LHFPL3: variants seen among roughly 807,000 people sequenced by gnomAD.
LHFPL3 encodes the protein LHFPL tetraspan subfamily member 3.
Under a neutral mutation model 19.3 loss-of-function variants are expected in LHFPL3, and 5 were observed. That is an observed-to-expected ratio of 0.26 (90% CI 0.14 to 0.54). LHFPL3 has a LOEUF of 0.54. Ranked by LOEUF, LHFPL3 falls within the 20% of genes least tolerant of loss-of-function variation. LHFPL3 has a pLI of 0.94. For missense variants in LHFPL3, 249 were observed against 307.4 expected, an observed-to-expected ratio of 0.81 and a Z score of 1.42; for synonymous variants, 133 against 126.2, an observed-to-expected ratio of 1.05 and a Z score of -0.36.
chr7:104,866,315 T>A (rs896290294), intron 2 of LHFPL3, among the ~76,000 whole-genome samples: 1 of 152,186 alleles, frequency 6.6e-6, no homozygotes, highest in African/African-American at 2.4e-5. Flanking sequence ...ATCAGTGTGC[T>A]GTATTCAAGA....
At chr7:104,722,626 G>A (rs1208410096) in intron 1 of LHFPL3, among the ~76,000 whole-genome samples, 1 of 152,174 alleles carries the variant, frequency 6.6e-6, no homozygotes, top group Non-Finnish European at 1.5e-5. Flanking sequence ...TATAGCTCAA[G>A]TTTGTCAGCC....
At chr7:104,464,886 T>C (rs900924337) in intron 1 of LHFPL3, among the ~76,000 whole-genome samples, 17 of 152,378 alleles carry the variant, frequency 1.1e-4, no homozygotes, top group African/African-American at 4.1e-4. Context: ...CCATTGCTTA[T>C]GCAAGTTTCT....
chr7:104,567,167 G>T (rs1338431857), intron 1 of LHFPL3, among the ~76,000 whole-genome samples: 1 of 152,192 alleles, frequency 6.6e-6, no homozygotes, highest in East Asian at 1.9e-4. Context: ...TTTCCAATGT[G>T]ATTCCTAGTG....
chr7:104,902,875 A>G (rs769680756), intron 2 of LHFPL3, among the ~76,000 whole-genome samples: 1 of 152,202 alleles, frequency 6.6e-6, no homozygotes, highest in Non-Finnish European at 1.5e-5. Context: ...ACCAGAGCAG[A>G]TTCAAGAAGG....
chr7:104,765,872 CA>C (rs539494226), intron 2 of LHFPL3, among the ~76,000 whole-genome samples: 102 of 152,342 alleles, frequency 6.7e-4, no homozygotes, highest in African/African-American at 2.4e-3. Flanking sequence ...AGGCTCCACA[CA>C]CTTGTGCAGA....
intron 2 of LHFPL3, among the ~76,000 whole-genome samples, chr7:104,893,163 G>A (rs775600163): frequency 6.6e-6 from 1 of 151,594 alleles, no homozygotes; most frequent in Non-Finnish European, 1.5e-5. Context: ...GCAATAAGCT[G>A]TGATCATACC....
chr7:104,558,854 G>A (rs1351434612), intron 1 of LHFPL3, among the ~76,000 whole-genome samples: 1 of 144,418 alleles, frequency 6.9e-6, no homozygotes, highest in African/African-American at 2.8e-5. Flanking sequence ...ATTGATTTTT[G>A]TGTAAGGTGT....
chr7:104,867,367 T>G (rs1278599349), intron 2 of LHFPL3, among the ~76,000 whole-genome samples: 1 of 151,800 alleles, frequency 6.6e-6, no homozygotes, highest in Non-Finnish European at 1.5e-5. Flanking sequence ...AATAATCAAA[T>G]AGATGCAATA....
At chr7:104,502,830 C>T (rs1016523194) in intron 1 of LHFPL3, among the ~76,000 whole-genome samples, 3 of 152,152 alleles carry the variant, frequency 2.0e-5, no homozygotes, top group African/African-American at 7.2e-5. Flanking sequence ...TCCATACTAA[C>T]TTACAGGATG....
chr7:104,682,364 C>T (rs1054507141), intron 1 of LHFPL3, among the ~76,000 whole-genome samples: 25 of 152,170 alleles, frequency 1.6e-4, no homozygotes, highest in African/African-American at 4.8e-4. Context: ...TCAGGCCCCA[C>T]CCCAGACCCA....
chr7:104,524,927 C>A (rs1054377854), intron 1 of LHFPL3, among the ~76,000 whole-genome samples: 7 of 152,094 alleles, frequency 4.6e-5, no homozygotes, highest in Non-Finnish European at 7.4e-5. Flanking sequence ...TGCTTCAAAC[C>A]ACTGACAAAT....
At chr7:104,562,400 C>G (rs539492038) in intron 1 of LHFPL3, among the ~76,000 whole-genome samples, 3,585 of 152,250 alleles carry the variant, frequency 0.024, 81 homozygotes, top group Non-Finnish European at 0.039. Flanking sequence ...TCTTTTTTCT[C>G]TAGACTTCCC....
In LHFPL3 at chr7:104,395,098, C is replaced by T. The variant is rs141577236; in HGVS notation, c.445+65874C>T. On this transcript the variant is annotated intron_variant, in intron 1 of 2. Transcript: ENST00000424859. The stretch of plus-strand genomic sequence containing the variant: ...CCACAACTATCCAACATCTAGTATA[C>T]GCTTCATTGGCATGACAGACACAGA... Among the ~76,000 whole-genome samples, 44 of 152,066 alleles carry T rather than the reference C, an allele frequency of 2.9e-4. No homozygotes were observed. The East Asian group carries it at 8.3e-3, about 29-fold the overall frequency.
At chr7:104,520,688 G>A (rs1174668413) in intron 1 of LHFPL3, among the ~76,000 whole-genome samples, 1 of 142,712 alleles carries the variant, frequency 7.0e-6, no homozygotes, top group African/African-American at 2.6e-5. Context: ...GGGTGTATGT[G>A]TCAAGGAATT....
Position 104,329,223 on chromosome 7 carries a change from C to T in LHFPL3, c.444C>T (p.Ser148=), listed in dbSNP as rs565371746. ...TATGTGCCTGGATGCAGCTCACCTC[C>T]GGTGAGTGCGCGCTCACCTCCGCGG... ...YKICAWMQLT[S]AACLVLGCMI... Residue 148 remains serine, a splice_region_variant and synonymous_variant, in exon 1 of 3, where the codon TCC becomes TCT. Transcript: ENST00000424859. 3.1e-6 allele frequency: 5 copies of T among 1,598,578 alleles called. No individual in the cohort carries two copies. The highest frequency in any genetic ancestry group is 3.4e-5 in the Admixed American group (2 of 59,144).
At chr7:104,501,082 T>A (rs1395167540) in intron 1 of LHFPL3, among the ~76,000 whole-genome samples, 1 of 148,752 alleles carries the variant, frequency 6.7e-6, no homozygotes, top group Non-Finnish European at 1.5e-5. Flanking sequence ...ATCTCCAGGG[T>A]TTATCACAAT....
chr7:104,465,807 A>G (rs568173117), intron 1 of LHFPL3, among the ~76,000 whole-genome samples: 1 of 152,316 alleles, frequency 6.6e-6, no homozygotes, highest in African/African-American at 2.4e-5. Context: ...AGACCATATC[A>G]CTGCCTTAAT....
intron 1 of LHFPL3, among the ~76,000 whole-genome samples, chr7:104,466,616 C>A (rs1238395067): frequency 6.6e-6 from 1 of 152,194 alleles, no homozygotes; most frequent in East Asian, 1.9e-4. Context: ...CACTCCTCTG[C>A]CAATGTTTCT....
At chr7:104,862,474 A>C (rs558571701) in intron 2 of LHFPL3, among the ~76,000 whole-genome samples, 37 of 152,272 alleles carry the variant, frequency 2.4e-4, no homozygotes, top group Middle Eastern at 3.4e-3. Flanking sequence ...AGGTTCTGAG[A>C]TGATAAGTGC....
Sources: gnomAD v4.1 joint callset for allele counts (sites outside exome capture counted in the v4.1 genomes callset) on GRCh38, gnomAD v4.1.1 for gene constraint, MANE v1.5 for transcripts, NCBI Gene and HGNC (gene_info 2026-07-23, HGNC 2026-07-21) for gene names.